The following TCF20 variants were observed in gnomAD, a reference collection of about 807,000 sequenced individuals.
TCF20 encodes SPRE-binding protein.
A neutral mutation model predicts 148.6 loss-of-function variants in TCF20; 3 were observed. The ratio of observed to expected loss-of-function variants is 0.02; its 90% CI spans 0.01 to 0.05. The LOEUF is 0.05. Ranked by LOEUF, TCF20 falls within the 10% of genes least tolerant of loss-of-function variation. The pLI is 1.00. For synonymous variants in TCF20, 1,049 were observed against 909.5 expected, an observed-to-expected ratio of 1.15 and a Z score of -2.76; for missense variants, 2,350 against 2,429.3, an observed-to-expected ratio of 0.97 and a Z score of 0.69.
chr22:42,254,913 T>C (rs1375144960), intron 1 of TCF20, among the ~76,000 whole-genome samples: 1 of 124,874 alleles, frequency 8.0e-6, no homozygotes, highest in Non-Finnish European at 1.6e-5. Flanking sequence ...TGAGAAGAGA[T>C]GGCACCACTG....
At chr22:42,315,474 G>T (rs1927612310) in intron 1 of TCF20, among the ~76,000 whole-genome samples, 1 of 152,200 alleles carries the variant, frequency 6.6e-6, no homozygotes, top group Admixed American at 6.5e-5. Flanking sequence ...GGTGGAATGG[G>T]CTGGACATAG....
At chr22:42,294,508 G>A (rs1033074102) in intron 1 of TCF20, among the ~76,000 whole-genome samples, 2 of 152,092 alleles carry the variant, frequency 1.3e-5, no homozygotes, top group African/African-American at 4.8e-5. Flanking sequence ...GCTCCCAGGC[G>A]AGCAGGTTGG....
At chr22:42,287,117 A>G (rs2147022745), upstream of TCF20, among the ~76,000 whole-genome samples, 1 of 152,314 alleles carries the variant, frequency 6.6e-6, no homozygotes, top group South Asian at 2.1e-4. Flanking sequence ...ACCCAACCCC[A>G]GAAGCAAAAA....
intron 5 of TCF20, among the ~76,000 whole-genome samples, chr22:42,162,457 G>A (rs1935524663): frequency 6.6e-6 from 1 of 152,140 alleles, no homozygotes; most frequent in Non-Finnish European, 1.5e-5. Flanking sequence ...CAGCCCATGT[G>A]CAGAAGGGGA....
rs564716376 is a variant in TCF20, at chr22:42,241,380, T to C, written c.-36-26039A>G. Among the ~76,000 whole-genome samples, 142 of 152,298 alleles carry C rather than the reference T, an allele frequency of 9.3e-4. 1 individual carries two copies. Among genetic ancestry groups the C allele is most frequent in the African/African-American group, 2.9e-3 (120 of 41,558 alleles). ...ATATCAGGAGACTATAAAAGAATTA[T>C]ATTTAGTATGTTCTAGGAAATAAAA... On this transcript the variant is annotated intron_variant, in intron 1 of 5. Coordinates refer to ENST00000677622, the MANE Select transcript of TCF20 (RefSeq NM_001378418.1).
intron 1 of TCF20, among the ~76,000 whole-genome samples, chr22:42,276,095 T>C (rs1601688725): frequency 6.6e-6 from 1 of 152,194 alleles, no homozygotes; most frequent in South Asian, 2.1e-4. Flanking sequence ...AGCCACATCA[T>C]TGTCTGGGCT....
intron 3 of TCF20, among the ~76,000 whole-genome samples, chr22:42,170,903 G>T (rs1601516330): frequency 6.6e-6 from 1 of 152,066 alleles, no homozygotes; most frequent in Non-Finnish European, 1.5e-5. Flanking sequence ...ACAGAAAGGT[G>T]GCCAGGCCCA....
At chr22:42,249,678 G>C (rs150126486) in intron 1 of TCF20, among the ~76,000 whole-genome samples, 1 of 152,206 alleles carries the variant, frequency 6.6e-6, no homozygotes, top group African/African-American at 2.4e-5. Flanking sequence ...TAAAACTGGA[G>C]CAAGTGCTTT....
At chr22:42,282,323 T>C (rs1926919343) in intron 1 of TCF20, among the ~76,000 whole-genome samples, 1 of 152,236 alleles carries the variant, frequency 6.6e-6, no homozygotes, top group Admixed American at 6.5e-5. Context: ...TGCGCCCATG[T>C]CACTGCACCT....
chr22:42,314,146 G>C (rs1927587695), intron 1 of TCF20, among the ~76,000 whole-genome samples: 1 of 152,214 alleles, frequency 6.6e-6, no homozygotes, highest in South Asian at 2.1e-4. Flanking sequence ...GGGGCCCCTT[G>C]TGGCCACTCC....
intron 1 of TCF20, among the ~76,000 whole-genome samples, chr22:42,223,928 TAAA>T (rs1922609486): frequency 6.6e-6 from 1 of 152,196 alleles, no homozygotes; most frequent in African/African-American, 2.4e-5. Context: ...GACTTCAGAA[TAAA>T]ATGAAGTGTA....
intron 2 of TCF20, among the ~76,000 whole-genome samples, chr22:42,204,148 G>C (rs904793844): frequency 1.4e-4 from 21 of 151,900 alleles, no homozygotes; most frequent in African/African-American, 4.6e-4. Flanking sequence ...ATGTGAGTCT[G>C]TTAGATGGGG....
In TCF20 at chr22:42,224,413, A is replaced by G. The variant is rs562742622; in HGVS notation, c.-36-9072T>C. Reference sequence around the variant, plus strand: ...CGTGAACCTGGGAGGCAGAGATTGCAGTGAGATCGCACCACTGCACTCCAG... The same window carrying G: ...CGTGAACCTGGGAGGCAGAGATTGCGGTGAGATCGCACCACTGCACTCCAG... On this transcript the variant is annotated intron_variant, in intron 1 of 5. Transcript: ENST00000677622. Among the ~76,000 whole-genome samples, 700 of 151,904 alleles carry G rather than the reference A, an allele frequency of 4.6e-3. 3 individuals carry two copies. Among genetic ancestry groups the G allele is most frequent in the African/African-American group, 0.016 (662 of 41,388 alleles).
At chr22:42,301,540 GT>G (rs1927336499) in intron 1 of TCF20, among the ~76,000 whole-genome samples, 1 of 152,238 alleles carries the variant, frequency 6.6e-6, no homozygotes, top group Non-Finnish European at 1.5e-5. Context: ...AGGCCCAGAG[GT>G]GGAGAAAGCA....
chr22:42,331,383 G>C (rs1262485910), intron 1 of TCF20, among the ~76,000 whole-genome samples: 2 of 152,206 alleles, frequency 1.3e-5, no homozygotes, highest in Non-Finnish European at 2.9e-5. Context: ...CCCTATCAGG[G>C]AGGGACAATC....
At chr22:42,198,786 C>T (rs530083520) in intron 2 of TCF20, among the ~76,000 whole-genome samples, 9 of 151,894 alleles carry the variant, frequency 5.9e-5, no homozygotes, top group Non-Finnish European at 7.4e-5. Flanking sequence ...CTCAGCCTCC[C>T]GAGTAGCTGG....
intron 1 of TCF20, among the ~76,000 whole-genome samples, chr22:42,239,478 G>GA (rs56961957): frequency 0.99 from 143,049 of 144,282 alleles, 70,908 homozygotes; most frequent in Middle Eastern, 1. Context: ...ATCTCTCTCA[G>GA]AAAAAAAAAA....
rs201866155 is a variant in TCF20, at chr22:42,168,695, G to C, written c.5841C>G (p.Thr1947=). 2.2e-4 allele frequency: 361 copies of C among 1,610,968 alleles called. No individual in the cohort carries two copies. The highest frequency in any genetic ancestry group is 3.0e-4 in the Non-Finnish European group (352 of 1,178,906). Residue 1947 remains threonine, a synonymous_variant, in exon 5 of 6, where the codon ACC becomes ACG. Coordinates refer to ENST00000677622, the MANE Select transcript of TCF20 (RefSeq NM_001378418.1). ...PCPLPPLQNK[T]AKGSLSTEQS... The stretch of plus-strand genomic sequence containing the variant: ...GCTCTGTGCTGAGGCTGCCTTTCGC[G>C]GTCTTGTTCTGCAAGGGGGGGAGAG...
chr22:42,289,600 G>A (rs1013066313), intron 1 of TCF20, among the ~76,000 whole-genome samples: 1 of 152,172 alleles, frequency 6.6e-6, no homozygotes. Context: ...TAAAGTGTGC[G>A]GTGAAGCTGC....
Sources: gnomAD v4.1 joint callset for allele counts (sites outside exome capture counted in the v4.1 genomes callset) on GRCh38, gnomAD v4.1.1 for gene constraint, MANE v1.5 for transcripts, NCBI Gene and HGNC (gene_info 2026-07-23, HGNC 2026-07-21) for gene names.